Variants in SEMA3E observed in about 807,000 individuals in gnomAD.
SEMA3E encodes the protein semaphorin 3E.
A neutral mutation model predicts 93.6 loss-of-function variants in SEMA3E; 49 were observed. The observed-to-expected ratio is 0.52, with a 90% confidence interval of 0.42 to 0.66. The LOEUF (loss-of-function observed/expected upper bound fraction) is 0.66, where lower values mean the gene tolerates loss of function less well. Among genes scored for constraint, SEMA3E ranks in the 30% least tolerant of loss-of-function variants. The probability of loss-of-function intolerance (pLI) is 0.00; values close to 1 mark genes in which losing one functional copy is unlikely to be tolerated. For missense variants in SEMA3E, 906 were observed against 964.8 expected (o/e 0.94, Z 0.81); for synonymous variants, 363 against 330.7 (o/e 1.10, Z -1.06).
chr7:83,398,965 C>T (rs1038816467), intron 11 of SEMA3E, among the ~76,000 whole-genome samples: 1 of 151,602 alleles, frequency 6.6e-6, no homozygotes, highest in East Asian at 1.9e-4. Flanking sequence ...AACAAACCAA[C>T]AAAACAAAAA....
intron 1 of SEMA3E, among the ~76,000 whole-genome samples, chr7:83,628,981 C>T (rs551495977): frequency 5.3e-5 from 8 of 152,116 alleles, no homozygotes; most frequent in African/African-American, 1.7e-4. Context: ...AGTAGTCATC[C>T]TTTCAGTTGA....
intron 1 of SEMA3E, among the ~76,000 whole-genome samples, chr7:83,601,108 C>A (rs573646406): frequency 1.6e-3 from 250 of 152,114 alleles, no homozygotes; most frequent in African/African-American, 5.8e-3. Flanking sequence ...AGGAAGGGGC[C>A]CCAGGCCAGG....
intron 1 of SEMA3E, among the ~76,000 whole-genome samples, chr7:83,516,819 T>C (rs1274300281): frequency 1.3e-5 from 2 of 151,982 alleles, no homozygotes; most frequent in Admixed American, 6.6e-5. Context: ...AAGTCAAAAA[T>C]GCTTGAGAGC....
At chr7:83,465,280 C>T (rs988116570) in intron 4 of SEMA3E, among the ~76,000 whole-genome samples, 1 of 152,078 alleles carries the variant, frequency 6.6e-6, no homozygotes. Flanking sequence ...TCTCCCTTCG[C>T]TGACTCTCTT....
chr7:83,451,691 A>C (rs772608279), intron 4 of SEMA3E, among the ~76,000 whole-genome samples: 1 of 152,234 alleles, frequency 6.6e-6, no homozygotes, highest in Non-Finnish European at 1.5e-5. Flanking sequence ...CCATGTGGAA[A>C]GTGGGGCTCC....
intron 1 of SEMA3E, among the ~76,000 whole-genome samples, chr7:83,607,239 ATG>A (rs1459452618): frequency 6.6e-6 from 1 of 152,250 alleles, no homozygotes; most frequent in Non-Finnish European, 1.5e-5. Flanking sequence ...ACAACAGATA[ATG>A]TGTTTAAATT....
intron 1 of SEMA3E, among the ~76,000 whole-genome samples, chr7:83,503,429 A>C (rs991476720): frequency 6.6e-6 from 1 of 152,192 alleles, no homozygotes; most frequent in Non-Finnish European, 1.5e-5. Context: ...TAAGTGCCAA[A>C]CTGGCAGGCA....
chr7:83,586,245 A>G (rs1245043318), intron 1 of SEMA3E, among the ~76,000 whole-genome samples: 2 of 152,218 alleles, frequency 1.3e-5, no homozygotes, highest in African/African-American at 4.8e-5. Context: ...AAGCAAACGT[A>G]TCACTGCATG....
intron 1 of SEMA3E, among the ~76,000 whole-genome samples, chr7:83,540,241 T>G (rs1584318755): frequency 1.3e-5 from 2 of 152,322 alleles, no homozygotes; most frequent in East Asian, 3.9e-4. Flanking sequence ...TACTAACACT[T>G]TCTTTGCACA....
At chr7:83,487,411 A>G (rs1227655038) in intron 2 of SEMA3E, among the ~76,000 whole-genome samples, 1 of 152,104 alleles carries the variant, frequency 6.6e-6, no homozygotes, top group Non-Finnish European at 1.5e-5. Flanking sequence ...AATTTTCTGA[A>G]ATGACAGATC....
chr7:83,590,756 G>C (rs373086488), intron 1 of SEMA3E, among the ~76,000 whole-genome samples: 6 of 152,092 alleles, frequency 3.9e-5, no homozygotes, highest in African/African-American at 1.2e-4. Context: ...CAGCCTAAGA[G>C]TACAAGTTAA....
At position 83,474,274 on chromosome 7, in the gene SEMA3E, A is replaced by G. The variant is rs373071360; in HGVS notation, c.277-4972T>C. Among the ~76,000 whole-genome samples the G allele has an allele frequency of 7.2e-5, 11 of 152,228 alleles. 1 individual carries two copies. The highest frequency in any genetic ancestry group is 7.2e-5 in the African/African-American group (3 of 41,548). On this transcript the variant is annotated intron_variant, in intron 2 of 16. Transcript: ENST00000643230. ...GATACATGAGTAATAATGGGAATTT[A>G]TCAAAGTGATGATAGTAGCATTTTA...
intron 16 of SEMA3E, among the ~76,000 whole-genome samples, chr7:83,377,400 T>C (rs1413837606): frequency 6.6e-6 from 1 of 152,028 alleles, no homozygotes; most frequent in Non-Finnish European, 1.5e-5. Context: ...GTGAATAATT[T>C]TGGCTTTGCA....
chr7:83,406,159 T>A, intron 7 of SEMA3E, 100 bp from the exon 8 acceptor site: 1 of 848,926 alleles, frequency 1.2e-6, no homozygotes, highest in Non-Finnish European at 2.0e-6. Context: ...TTATGACTTT[T>A]TTATTTAACT....
At chr7:83,573,818 C>A (rs957768466) in intron 1 of SEMA3E, among the ~76,000 whole-genome samples, 3 of 151,720 alleles carry the variant, frequency 2.0e-5, no homozygotes, top group Non-Finnish European at 4.4e-5. Context: ...CTATACTCTT[C>A]TTGGATATTC....
intron 1 of SEMA3E, among the ~76,000 whole-genome samples, chr7:83,619,885 TGATA>T (rs761339773): frequency 1.4e-3 from 174 of 126,848 alleles, no homozygotes; most frequent in East Asian, 6.2e-3. Context: ...GATAGATAGA[TGATA>T]GATAGATAGA....
chr7:83,613,056 T>C (rs903347904), intron 1 of SEMA3E, among the ~76,000 whole-genome samples: 2 of 152,086 alleles, frequency 1.3e-5, no homozygotes, highest in Admixed American at 6.6e-5. Flanking sequence ...ATGTGATATA[T>C]GAACAAGGAT....
At chr7:83,403,709 GT>G (rs1272171353) in intron 9 of SEMA3E, among the ~76,000 whole-genome samples, 1 of 151,840 alleles carries the variant, frequency 6.6e-6, no homozygotes, top group Non-Finnish European at 1.5e-5. Flanking sequence ...TGAGACACCT[GT>G]AAAACAGCAG....
intron 3 of SEMA3E, among the ~76,000 whole-genome samples, chr7:83,468,844 T>A (rs1373735973): frequency 5.3e-5 from 8 of 152,180 alleles, no homozygotes; most frequent in African/African-American, 1.9e-4. Context: ...TCTCTCAAAC[T>A]TTTTGTTTCT....
Sources: allele counts gnomAD v4.1 joint callset (sites outside exome capture counted in the v4.1 genomes callset), GRCh38; gene constraint gnomAD v4.1.1; transcripts MANE v1.5; gene names NCBI Gene and HGNC (gene_info 2026-07-23, HGNC 2026-07-21).